Variants in HPSE2 observed in about 807,000 individuals in gnomAD.
HPSE2 encodes inactive heparanase-2.
A neutral mutation model predicts 60.5 loss-of-function variants in HPSE2; 38 were observed. That is an observed-to-expected ratio of 0.63 (90% CI 0.48 to 0.82). The LOEUF (loss-of-function observed/expected upper bound fraction) is 0.82. HPSE2 is among the 40% of genes least tolerant of loss of function. The probability of loss-of-function intolerance (pLI) is 0.00; values close to 1 mark genes in which losing one functional copy is unlikely to be tolerated. For synonymous variants in HPSE2, 295 were observed against 293.2 expected (o/e 1.01, Z -0.06); for missense variants, 713 against 740.4 (o/e 0.96, Z 0.43).
chr10:99,062,559 T>A (rs1020314853), intron 3 of HPSE2, among the ~76,000 whole-genome samples: 7 of 152,140 alleles, frequency 4.6e-5, no homozygotes, highest in Admixed American at 4.6e-4. Context: ...TATCTACTGA[T>A]ACAAGGCCTA....
At chr10:98,727,226 A>T (rs775392327) in intron 4 of HPSE2, among the ~76,000 whole-genome samples, 2 of 152,208 alleles carry the variant, frequency 1.3e-5, no homozygotes, top group Non-Finnish European at 2.9e-5. Context: ...TGTAGTTTTC[A>T]ACAAAAAAGC....
At chr10:99,075,724 T>C (rs1430311610) in intron 3 of HPSE2, among the ~76,000 whole-genome samples, 1 of 152,164 alleles carries the variant, frequency 6.6e-6, no homozygotes, top group Non-Finnish European at 1.5e-5. Flanking sequence ...GGTGCATATA[T>C]ATTTATAATT....
chr10:98,822,841 A>G (rs1951455397), intron 3 of HPSE2, among the ~76,000 whole-genome samples: 1 of 152,222 alleles, frequency 6.6e-6, no homozygotes, highest in African/African-American at 2.4e-5. Context: ...CCCTCTCCCA[A>G]CCAAAATGTT....
intron 3 of HPSE2, among the ~76,000 whole-genome samples, chr10:99,039,549 A>G (rs1957688916): frequency 6.7e-6 from 1 of 150,340 alleles, no homozygotes; most frequent in African/African-American, 2.4e-5. Flanking sequence ...ATATAACATC[A>G]TATTATAATA....
Position 98,911,337 on chromosome 10 carries a change from T to C in HPSE2, c.611-167281A>G, listed in dbSNP as rs557503296. 3.3e-5 allele frequency among the ~76,000 whole-genome samples: 5 copies of C among 152,260 alleles called. No individual in the cohort carries two copies. The East Asian group carries it at 9.7e-4, about 29-fold the overall frequency. On this transcript the variant is annotated intron_variant, in intron 3 of 11. Coordinates refer to ENST00000370552, the MANE Select transcript of HPSE2 (RefSeq NM_021828.5). Reference sequence around the variant, plus strand: ...TCACAGGCTTCTGAGGGGGAATAGATACATAAATGATTAAGGCTCCTTGCA... The same window carrying C: ...TCACAGGCTTCTGAGGGGGAATAGACACATAAATGATTAAGGCTCCTTGCA...
At chr10:99,174,651 C>T (rs1336744015) in intron 2 of HPSE2, among the ~76,000 whole-genome samples, 5 of 152,188 alleles carry the variant, frequency 3.3e-5, no homozygotes, top group Non-Finnish European at 7.3e-5. Flanking sequence ...CTAGCTGTTA[C>T]AGGATGCATT....
chr10:98,976,608 CTG>C (rs1956090920), intron 3 of HPSE2, among the ~76,000 whole-genome samples: 1 of 152,156 alleles, frequency 6.6e-6, no homozygotes, highest in Non-Finnish European at 1.5e-5. Context: ...TTAACCTGAG[CTG>C]TGTTTTGTAC....
In HPSE2 at chr10:98,800,544, T is replaced by C. The variant is rs566243258; in HGVS notation, c.611-56488A>G. On this transcript the variant is annotated intron_variant, in intron 3 of 11. Transcript: ENST00000370552. ...AAAATCAGGGATTAAAAAGGAGATA[T>C]TACAACTGATATTGCAAAAATTCAA... is the stretch of plus-strand genomic sequence containing the variant. Among the ~76,000 whole-genome samples, 10 of 150,250 alleles carry C rather than the reference T, an allele frequency of 6.7e-5. No individual in the cohort carries two copies. In the East Asian group the frequency reaches 1.9e-3, roughly 29 times the overall value.
In HPSE2 at chr10:98,678,691, A is replaced by T. The variant is rs529068120; in HGVS notation, c.1004+15209T>A. Among the ~76,000 whole-genome samples, 130 of 152,006 alleles carry T rather than the reference A, an allele frequency of 8.6e-4. 1 individual carries two copies. The highest frequency in any genetic ancestry group is 2.9e-3 in the African/African-American group (120 of 41,478). ...TGGTCTCTGGTGGAGGTTCTTAAAAATTTTTTTGGTCTCTGGTGGGAGCTA... is the reference window on the plus strand; with the variant it reads ...TGGTCTCTGGTGGAGGTTCTTAAAATTTTTTTTGGTCTCTGGTGGGAGCTA... On this transcript the variant is annotated intron_variant, in intron 6 of 11. Coordinates refer to ENST00000370552, the MANE Select transcript of HPSE2 (RefSeq NM_021828.5).
intron 3 of HPSE2, among the ~76,000 whole-genome samples, chr10:98,801,968 T>C (rs966139603): frequency 1.3e-5 from 2 of 152,126 alleles, no homozygotes; most frequent in African/African-American, 4.8e-5. Flanking sequence ...GTAGCCAATA[T>C]AGCACCGTAC....
chr10:98,573,358 T>C (rs1364191131), intron 9 of HPSE2, among the ~76,000 whole-genome samples: 1 of 152,214 alleles, frequency 6.6e-6, no homozygotes, highest in Non-Finnish European at 1.5e-5. Flanking sequence ...TCCAGGCTTA[T>C]TGGTAAGCCT....
chr10:98,842,541 T>TTAAA (rs547984944), intron 3 of HPSE2, among the ~76,000 whole-genome samples: 4 of 135,362 alleles, frequency 3.0e-5, no homozygotes, highest in Admixed American at 1.5e-4. Flanking sequence ...TAAGTGTCTT[T>TTAAA]AAAAAAAAAA....
intron 3 of HPSE2, among the ~76,000 whole-genome samples, chr10:98,798,909 T>C (rs1018902727): frequency 3.9e-5 from 6 of 152,034 alleles, no homozygotes; most frequent in Non-Finnish European, 8.8e-5. Flanking sequence ...GAATGGAAAA[T>C]GGACTAAACT....
intron 3 of HPSE2, among the ~76,000 whole-genome samples, chr10:99,096,059 A>T (rs1453873940): frequency 6.6e-6 from 1 of 152,206 alleles, no homozygotes; most frequent in Admixed American, 6.5e-5. Context: ...ACTCAGGTAT[A>T]AACTGTCTTT....
intron 3 of HPSE2, among the ~76,000 whole-genome samples, chr10:98,813,122 T>C (rs1951206110): frequency 6.6e-6 from 1 of 152,166 alleles, no homozygotes. Flanking sequence ...AGGATATTTC[T>C]ATTACCCCCA....
intron 9 of HPSE2, among the ~76,000 whole-genome samples, chr10:98,497,726 C>G (rs746346592): frequency 2.6e-5 from 4 of 152,078 alleles, no homozygotes; most frequent in Non-Finnish European, 5.9e-5. Context: ...TCACCTCATA[C>G]TCATTTGTTT....
chr10:99,031,688 T>C (rs1957502787), intron 3 of HPSE2, among the ~76,000 whole-genome samples: 2 of 152,174 alleles, frequency 1.3e-5, no homozygotes. Flanking sequence ...AAGATACAAC[T>C]AGTTATGGGA....
intron 9 of HPSE2, among the ~76,000 whole-genome samples, chr10:98,519,607 A>G (rs1942719541): frequency 6.6e-6 from 1 of 152,240 alleles, no homozygotes; most frequent in South Asian, 2.1e-4. Flanking sequence ...AAATCTCTGG[A>G]AGGGCAGTTG....
intron 3 of HPSE2, among the ~76,000 whole-genome samples, chr10:99,001,108 A>C (rs1221699830): frequency 6.6e-6 from 1 of 152,098 alleles, no homozygotes; most frequent in East Asian, 1.9e-4. Context: ...TCATTTCTCT[A>C]ATCACCCTCT....
Sources: gnomAD v4.1 joint callset for allele counts (sites outside exome capture counted in the v4.1 genomes callset) on GRCh38, gnomAD v4.1.1 for gene constraint, MANE v1.5 for transcripts, NCBI Gene and HGNC (gene_info 2026-07-23, HGNC 2026-07-21) for gene names.